NAV2: variants seen among roughly 807,000 people sequenced by gnomAD.
The protein encoded by NAV2 is helicase, APC down-regulated 1.
Under a neutral mutation model 223.2 loss-of-function variants are expected in NAV2, and 54 were observed. The ratio of observed to expected loss-of-function variants is 0.24; its 90% CI spans 0.19 to 0.30. The LOEUF (loss-of-function observed/expected upper bound fraction) is 0.30. NAV2 is among the 10% of genes least tolerant of loss of function. The pLI, the probability that NAV2 is intolerant of heterozygous loss-of-function variation, is 1.00. For missense variants in NAV2, 2,806 were observed against 3,147.5 expected (o/e 0.89, Z 2.60); for synonymous variants, 1,279 against 1,239.3 (o/e 1.03, Z -0.67).
chr11:19,734,973 G>A (rs2052151296), intron 1 of NAV2, among the ~76,000 whole-genome samples: 1 of 152,204 alleles, frequency 6.6e-6, no homozygotes, highest in African/African-American at 2.4e-5. Flanking sequence ...AGCTAGAGTT[G>A]GAGCCAAGCC....
intron 1 of NAV2, among the ~76,000 whole-genome samples, chr11:19,597,793 C>T (rs990841436): frequency 7.9e-5 from 12 of 152,182 alleles, no homozygotes; most frequent in Admixed American, 5.2e-4. Flanking sequence ...ATCGGGGATG[C>T]GTGAGGAATG....
intron 1 of NAV2, among the ~76,000 whole-genome samples, chr11:19,736,689 G>T (rs2052333164): frequency 6.6e-6 from 1 of 152,182 alleles, no homozygotes; most frequent in Admixed American, 6.5e-5. Context: ...GGCAAACCCA[G>T]GATTTAAACT....
rs1425010274 is a variant in NAV2 at position 20,026,694 on chromosome 11, G to A, written c.2769-9265G>A. 2.0e-5 allele frequency among the ~76,000 whole-genome samples: 3 copies of A among 152,204 alleles called. No homozygotes were observed. The East Asian group carries it at 5.8e-4, about 29-fold the overall frequency. On this transcript the variant is annotated intron_variant, in intron 11 of 37. Transcript: ENST00000349880. ...GTCCTTCAAAGTCTAATGAACACATGACGAGCGTTCATTAAAATGTGTAAA... is the reference window on the plus strand; with the variant it reads ...GTCCTTCAAAGTCTAATGAACACATAACGAGCGTTCATTAAAATGTGTAAA...
intron 6 of NAV2, among the ~76,000 whole-genome samples, chr11:19,924,693 G>A (rs920719): frequency 0.54 from 82,231 of 152,074 alleles, 22,916 homozygotes; most frequent in East Asian, 0.7. Context: ...AGAAAACATT[G>A]AAAGCATCAC....
chr11:19,518,845 G>A (rs2043549054), intron 1 of NAV2, among the ~76,000 whole-genome samples: 2 of 152,168 alleles, frequency 1.3e-5, no homozygotes, highest in Admixed American at 1.3e-4. Context: ...ATGGGATTAG[G>A]AGGCGGGGCC....
chr11:19,709,696 G>A (rs370870353), upstream of NAV2, among the ~76,000 whole-genome samples: 3 of 151,848 alleles, frequency 2.0e-5, no homozygotes, highest in South Asian at 6.3e-4. Flanking sequence ...TTAGCCGGGT[G>A]TGGTGGCATG....
intron 1 of NAV2, among the ~76,000 whole-genome samples, chr11:19,454,135 C>G (rs1051882800): frequency 2.0e-5 from 3 of 152,140 alleles, no homozygotes; most frequent in African/African-American, 7.2e-5. Context: ...ATTCAGAGCA[C>G]TGAGAGGTGA....
chr11:19,923,860 G>C (rs748208872), intron 6 of NAV2, among the ~76,000 whole-genome samples: 1 of 152,158 alleles, frequency 6.6e-6, no homozygotes, highest in Non-Finnish European at 1.5e-5. Context: ...TAAAGCAAAA[G>C]TTTTCTCCTG....
chr11:19,779,929 A>G (rs1230366358), intron 1 of NAV2, among the ~76,000 whole-genome samples: 1 of 152,252 alleles, frequency 6.6e-6, no homozygotes, highest in Non-Finnish European at 1.5e-5. Context: ...TAACTGCTCC[A>G]GAATGAGGCC....
At chr11:19,888,107 T>C (rs1654507439) in intron 5 of NAV2, among the ~76,000 whole-genome samples, 2 of 151,958 alleles carry the variant, frequency 1.3e-5, no homozygotes, top group Admixed American at 6.6e-5. Context: ...GCAGGATTGT[T>C]CCCCCACCGC....
At chr11:19,612,610 A>G (rs2046676304) in intron 1 of NAV2, among the ~76,000 whole-genome samples, 1 of 152,178 alleles carries the variant, frequency 6.6e-6, no homozygotes, top group Non-Finnish European at 1.5e-5. Context: ...CTCTTTACTA[A>G]AACATAACAA....
chr11:19,592,939 G>A (rs1477673077), intron 1 of NAV2, among the ~76,000 whole-genome samples: 1 of 152,126 alleles, frequency 6.6e-6, no homozygotes, highest in Non-Finnish European at 1.5e-5. Context: ...CTTTCACCTG[G>A]TTTTCTCCAA....
In NAV2 at chr11:20,045,655, C is replaced by A; in HGVS notation, c.3887C>A (p.Ser1296Tyr). The A allele has an allele frequency of 6.2e-7, 1 of 1,613,518 alleles. No individual in the cohort carries two copies. The highest frequency in any genetic ancestry group is 8.5e-7 in the Non-Finnish European group (1 of 1,179,550). Reference protein sequence around the residue: ...QPGAKYPDVASPTLRRLFGGK... With the variant: ...QPGAKYPDVAYPTLRRLFGGK... ...GGAGCCAAGTACCCAGATGTGGCCT[C>A]TCCCACACTCCGCAGGTAAGTGAGT... Residue 1296 changes from serine to tyrosine, a missense_variant, in exon 14 of 38, where the codon TCT (serine) becomes TAT (tyrosine). Physicochemically the swap from Ser to Tyr is moderately radical, Grantham distance 144. Transcript: ENST00000349880.
intron 36 of NAV2, chr11:20,114,309 G>A (rs1646902579): frequency 4.0e-6 from 2 of 498,244 alleles, no homozygotes; most frequent in Non-Finnish European, 7.2e-6. Flanking sequence ...AAGGCTCAGA[G>A]TTTAGGGTCA....
At chr11:19,658,907 G>C (rs1308727671) in intron 1 of NAV2, among the ~76,000 whole-genome samples, 1 of 152,180 alleles carries the variant, frequency 6.6e-6, no homozygotes, top group East Asian at 1.9e-4. Context: ...GAAAGTTATA[G>C]AGTCAGGAAG....
At chr11:19,968,717 T>C (rs959669267) in intron 10 of NAV2, among the ~76,000 whole-genome samples, 2 of 152,240 alleles carry the variant, frequency 1.3e-5, no homozygotes, top group African/African-American at 4.8e-5. Context: ...TTATTTGGTC[T>C]GTGTAGCAGT....
At chr11:19,964,808 A>ATT (rs2048625131) in intron 10 of NAV2, among the ~76,000 whole-genome samples, 6 of 47,098 alleles carry the variant, frequency 1.3e-4, no homozygotes, top group African/African-American at 2.2e-4. Flanking sequence ...GCCTCATTCT[A>ATT]CTTTTTTTTT....
In NAV2 at chr11:19,929,710, C is replaced by G. The variant is rs151205863; in HGVS notation, c.932-3466C>G. Among the ~76,000 whole-genome samples, 45 of 152,250 alleles carry G rather than the reference C, an allele frequency of 3.0e-4. 1 individual carries two copies. Among genetic ancestry groups the G allele is most frequent in the African/African-American group, 1.0e-3 (43 of 41,548 alleles). On this transcript the variant is annotated intron_variant, in intron 6 of 37. Coordinates refer to ENST00000349880, the MANE Select transcript of NAV2 (RefSeq NM_145117.5). ...AAAACCCTAAAGACTCATCACAAAT[C>G]CTACATCTCTGTTACCTTAAATATG...
chr11:19,595,606 G>A (rs920157964), intron 1 of NAV2, among the ~76,000 whole-genome samples: 7 of 150,870 alleles, frequency 4.6e-5, no homozygotes, highest in African/African-American at 1.7e-4. Context: ...CCAGGCTGGA[G>A]TGCAATGGCA....
Sources: allele counts gnomAD v4.1 joint callset (sites outside exome capture counted in the v4.1 genomes callset), GRCh38; gene constraint gnomAD v4.1.1; transcripts MANE v1.5; gene names NCBI Gene and HGNC (gene_info 2026-07-23, HGNC 2026-07-21).